FUT9: variants seen among roughly 807,000 people sequenced by gnomAD.
The protein encoded by FUT9 is 4-galactosyl-N-acetylglucosaminide 3-alpha-L-fucosyltransferase 9.
In FUT9, 15 loss-of-function variants were observed where a neutral mutation model predicts 29.7. That is an observed-to-expected ratio of 0.51 (90% CI 0.34 to 0.78). The LOEUF is 0.78. Among genes scored for constraint, FUT9 ranks in the 30% least tolerant of loss-of-function variants. FUT9 has a pLI of 0.01. For synonymous variants in FUT9, 169 were observed against 153.7 expected (o/e 1.10, Z -0.74); for missense variants, 319 against 425.4 (o/e 0.75, Z 2.20).
intron 1 of FUT9, among the ~76,000 whole-genome samples, chr6:96,041,462 G>T (rs1481324441): frequency 6.6e-6 from 1 of 151,982 alleles, no homozygotes; most frequent in Non-Finnish European, 1.5e-5. Flanking sequence ...TCATATTAAG[G>T]TAAATGATTT....
rs138235965 is a variant in FUT9 at position 96,196,675 on chromosome 6, G to T, written c.-8-6473G>T. The stretch of plus-strand genomic sequence containing the variant: ...TACAGTGAGCTGACATCACACCACT[G>T]CACTCCGGCCTGGTGACAGAGTGAG... On this transcript the variant is annotated intron_variant, in intron 2 of 2. Transcript: ENST00000302103. Among the ~76,000 whole-genome samples the T allele has an allele frequency of 6.0e-4, 92 of 152,142 alleles. 1 individual carries two copies. The East Asian group carries it at 0.017, about 29-fold the overall frequency.
chr6:96,109,023 A>T (rs1184569956), intron 1 of FUT9, among the ~76,000 whole-genome samples: 1 of 152,224 alleles, frequency 6.6e-6, no homozygotes, highest in Non-Finnish European at 1.5e-5. Flanking sequence ...CTTAAAGACC[A>T]GTCATAAAAT....
intron 2 of FUT9, among the ~76,000 whole-genome samples, chr6:96,199,312 G>A (rs903772997): frequency 6.6e-5 from 10 of 152,058 alleles, no homozygotes; most frequent in Admixed American, 6.6e-5. Flanking sequence ...ATGTCAATTT[G>A]GCCCCAAGAG....
At chr6:96,175,042 C>A (rs1175713304) in intron 2 of FUT9, among the ~76,000 whole-genome samples, 1 of 151,854 alleles carries the variant, frequency 6.6e-6, no homozygotes, top group African/African-American at 2.4e-5. Flanking sequence ...CTATTCCGAT[C>A]ACGATTTTAC....
chr6:96,149,911 C>T (rs2127976282), intron 2 of FUT9, among the ~76,000 whole-genome samples: 1 of 152,202 alleles, frequency 6.6e-6, no homozygotes, highest in East Asian at 1.9e-4. Context: ...TAACTATAGT[C>T]ACCCTATTGT....
chr6:96,104,338 T>G (rs1771639442), intron 1 of FUT9, among the ~76,000 whole-genome samples: 2 of 152,230 alleles, frequency 1.3e-5, no homozygotes, highest in Admixed American at 1.3e-4. Flanking sequence ...AGAGTAAATA[T>G]TTTAATATTA....
chr6:96,127,856 C>T (rs1772161856), intron 2 of FUT9, among the ~76,000 whole-genome samples: 1 of 152,012 alleles, frequency 6.6e-6, no homozygotes, highest in Admixed American at 6.5e-5. Flanking sequence ...ATGTCCTTTG[C>T]CCACTTTTAA....
chr6:96,023,268 T>C (rs1250068255), intron 1 of FUT9, among the ~76,000 whole-genome samples: 1 of 152,014 alleles, frequency 6.6e-6, no homozygotes, highest in African/African-American at 2.4e-5. Context: ...TCTGCTCATT[T>C]AGTCCCAAGA....
intron 2 of FUT9, among the ~76,000 whole-genome samples, chr6:96,202,121 T>C (rs1189069460): frequency 6.6e-6 from 1 of 152,032 alleles, no homozygotes; most frequent in Non-Finnish European, 1.5e-5. Flanking sequence ...CGTGAGAATT[T>C]TATCAATAAA....
intron 2 of FUT9, among the ~76,000 whole-genome samples, chr6:96,172,668 G>T (rs2127983480): frequency 6.6e-6 from 1 of 151,716 alleles, no homozygotes; most frequent in Non-Finnish European, 1.5e-5. Flanking sequence ...AAAAAAACTG[G>T]ACAAACACTA....
intron 2 of FUT9, among the ~76,000 whole-genome samples, chr6:96,191,539 G>A (rs1221715721): frequency 6.6e-6 from 1 of 152,008 alleles, no homozygotes; most frequent in African/African-American, 2.4e-5. Context: ...AGGAAGAAGT[G>A]GAATACCTGA....
intron 1 of FUT9, among the ~76,000 whole-genome samples, chr6:96,075,147 G>GGT (rs1226781983): frequency 1.3e-5 from 2 of 151,854 alleles, no homozygotes; most frequent in Admixed American, 1.3e-4. Context: ...TGTGTGTGTA[G>GGT]GTGTGTGTGT....
At chr6:96,050,485 A>G (rs2127938014) in intron 1 of FUT9, among the ~76,000 whole-genome samples, 1 of 152,332 alleles carries the variant, frequency 6.6e-6, no homozygotes, top group East Asian at 1.9e-4. Context: ...ATTCTAACAG[A>G]AGAGTTGTTT....
At chr6:96,042,534 A>T (rs573743209) in intron 1 of FUT9, among the ~76,000 whole-genome samples, 1 of 152,300 alleles carries the variant, frequency 6.6e-6, no homozygotes, top group East Asian at 1.9e-4. Context: ...TTTATTATGC[A>T]TAGTAAATTG....
intron 2 of FUT9, among the ~76,000 whole-genome samples, chr6:96,163,352 G>T (rs1046194039): frequency 6.7e-6 from 1 of 149,394 alleles, no homozygotes; most frequent in Non-Finnish European, 1.5e-5. Flanking sequence ...TATGGCCTGA[G>T]AAGGACTCCA....
intron 1 of FUT9, among the ~76,000 whole-genome samples, chr6:96,041,894 A>C (rs1472488967): frequency 6.6e-6 from 1 of 152,232 alleles, no homozygotes; most frequent in Non-Finnish European, 1.5e-5. Flanking sequence ...AAATAAGAGA[A>C]TTACAATTAT....
At chr6:96,153,838 C>A (rs573936398) in intron 2 of FUT9, among the ~76,000 whole-genome samples, 6 of 152,268 alleles carry the variant, frequency 3.9e-5, no homozygotes, top group African/African-American at 1.2e-4. Context: ...ATACCATTTG[C>A]ATTTTAATTT....
At chr6:96,149,538 A>G (rs1344366079) in intron 2 of FUT9, among the ~76,000 whole-genome samples, 1 of 152,202 alleles carries the variant, frequency 6.6e-6, no homozygotes, top group Non-Finnish European at 1.5e-5. Context: ...CCATTGCCTT[A>G]GATCAGGAGT....
intron 2 of FUT9, among the ~76,000 whole-genome samples, chr6:96,189,092 A>G (rs1185990276): frequency 2.0e-5 from 3 of 152,040 alleles, no homozygotes. Flanking sequence ...TGTTGGGGGA[A>G]GGTTGGGAGA....
Sources: allele counts gnomAD v4.1 joint callset (sites outside exome capture counted in the v4.1 genomes callset), GRCh38; gene constraint gnomAD v4.1.1; transcripts MANE v1.5; gene names NCBI Gene and HGNC (gene_info 2026-07-23, HGNC 2026-07-21).